Variants in ABCA1 observed in about 807,000 individuals in gnomAD.
ABCA1 encodes the protein phospholipid-transporting ATPase ABCA1.
A neutral mutation model predicts 262.5 loss-of-function variants in ABCA1; 133 were observed. The ratio of observed to expected loss-of-function variants is 0.51; its 90% confidence interval spans 0.44 to 0.59. The LOEUF is 0.59. Among genes scored for constraint, ABCA1 ranks in the 20% least tolerant of loss-of-function variants. ABCA1 has a pLI of 0.00. For synonymous variants in ABCA1, 1,022 were observed against 1,043.5 expected (o/e 0.98, Z 0.40); for missense variants, 2,452 against 2,777.5 (o/e 0.88, Z 2.63).
At chr9:104,862,898 A>G (rs1709337157) in intron 5 of ABCA1, among the ~76,000 whole-genome samples, 1 of 151,026 alleles carries the variant, frequency 6.6e-6, no homozygotes, top group Non-Finnish European at 1.5e-5. Flanking sequence ...ACATGGTCTC[A>G]TTTTCATTCC....
At chr9:104,904,507 A>G (rs1840941730) in intron 1 of ABCA1, among the ~76,000 whole-genome samples, 1 of 150,584 alleles carries the variant, frequency 6.6e-6, no homozygotes, top group Admixed American at 6.6e-5. Context: ...GCGGAGGTGC[A>G]GTGAGCCAAG....
chr9:104,832,123 G>A (rs1833394090), intron 12 of ABCA1, among the ~76,000 whole-genome samples: 1 of 152,158 alleles, frequency 6.6e-6, no homozygotes, highest in South Asian at 2.1e-4. Context: ...GCAATTCTGA[G>A]TCATAGCAAC....
intron 30 of ABCA1, among the ~76,000 whole-genome samples, chr9:104,807,756 T>C (rs990794613): frequency 6.6e-6 from 1 of 150,784 alleles, no homozygotes; most frequent in African/African-American, 2.4e-5. Flanking sequence ...GAGGTGGCAG[T>C]GAGCCAAGAT....
rs367717603 is a variant in ABCA1 at position 104,806,109 on chromosome 9, A to AAAAAAAC, written c.4464+125_4464+131dup. On this transcript the variant is annotated intron_variant, in intron 31 of 49. Coordinates refer to ENST00000374736, the MANE Select transcript of ABCA1 (RefSeq NM_005502.4). ...GACAGAGCAAGACTCCGCCTCAGAAAAAAAAACAAAAAACAAAAAAGACTG... is the reference window on the plus strand; with the variant it reads ...GACAGAGCAAGACTCCGCCTCAGAAAAAAAAACAAAAAACAAAAAACAAAAAAGACTG... 4,025 of 1,041,850 alleles carry AAAAAAAC rather than the reference A, an allele frequency of 3.9e-3. 103 individuals are homozygous for AAAAAAAC. The African/African-American group carries it at 0.057, about 15-fold the overall frequency. The allele number at this position is 1,041,850 out of a possible 1,614,324, so 64.5% of individuals were successfully genotyped here.
intron 1 of ABCA1, among the ~76,000 whole-genome samples, chr9:104,906,083 AG>A (rs1841114272): frequency 1.3e-5 from 2 of 152,230 alleles, no homozygotes; most frequent in Admixed American, 1.3e-4. Flanking sequence ...AAGCAATGTG[AG>A]TTCCCTTCTC....
At chr9:104,913,776 TTTTTA>T (rs146573885) in intron 1 of ABCA1, among the ~76,000 whole-genome samples, 14,926 of 152,000 alleles carry the variant, frequency 0.098, 880 homozygotes, top group Admixed American at 0.2. Flanking sequence ...TCCCTACAAG[TTTTTA>T]TTTTATTTTA....
Position 104,858,666 on chromosome 9 carries a change from T to C in ABCA1, c.576A>G (p.Thr192=). Residue 192 remains threonine (T), a synonymous_variant, in exon 7 of 50, where the codon ACA becomes ACG. Transcript: ENST00000374736. The stretch of plus-strand genomic sequence containing the variant: ...CTGATTTTGATCCATTGCACAGACT[T>C]GTCAAATGTAACTGGTAGCCTTGCA... ...VFLQGYQLHL[T]SLCNGSKSEE... 6.2e-7 allele frequency: 1 copy of C among 1,614,188 alleles called. No individual in the cohort carries two copies. The highest frequency in any genetic ancestry group is 8.5e-7 in the Non-Finnish European group (1 of 1,180,034).
In ABCA1 at chr9:104,928,027, G is replaced by A. The variant is rs1181098341; in HGVS notation, c.-185C>T. ...AAAACAGAACCGGGGAAAAAACAAG[G>A]AGCAAAGCGCCCTGAGAACCGGCTC... On this transcript the variant is annotated 5_prime_UTR_variant, in exon 1 of 50. Transcript: ENST00000374736. 1 of 152,200 alleles carries A rather than the reference G, an allele frequency of 6.6e-6. No individual in the cohort carries two copies. Among genetic ancestry groups the A allele is most frequent in the Non-Finnish European group, 1.5e-5 (1 of 68,056 alleles). The allele number at this position is 152,200 out of a possible 1,614,324, so 9.4% of individuals were successfully genotyped here. A position where few individuals can be genotyped will look rare whatever the true frequency, so the allele number is the denominator to read the frequency against.
chr9:104,923,733 T>C (rs1000569000), intron 1 of ABCA1, among the ~76,000 whole-genome samples: 3 of 152,240 alleles, frequency 2.0e-5, no homozygotes, highest in African/African-American at 4.8e-5. Context: ...AATGGTTTTG[T>C]TGTGAAAATT....
intron 5 of ABCA1, 97 bp downstream of exon 5, chr9:104,882,942 T>C: frequency 8.3e-7 from 1 of 1,205,796 alleles, no homozygotes; most frequent in Non-Finnish European, 1.2e-6. Flanking sequence ...TTGGGGAAGA[T>C]CTAATGGGAA....
At chr9:104,818,934 G>T in intron 22 of ABCA1, 51 bp from the exon 23 acceptor site, 2 of 1,507,266 alleles carry the variant, frequency 1.3e-6, no homozygotes, top group South Asian at 1.2e-5. Context: ...TCTCAGTTCT[G>T]ATTTGTCACA....
At chr9:104,867,938 A>G (rs969528637) in intron 5 of ABCA1, among the ~76,000 whole-genome samples, 8 of 152,224 alleles carry the variant, frequency 5.3e-5, no homozygotes, top group African/African-American at 1.9e-4. Flanking sequence ...CTTACCTGAC[A>G]CTGAAAGGAA....
At chr9:104,830,299 G>A (rs1833172987) in intron 14 of ABCA1, among the ~76,000 whole-genome samples, 1 of 152,212 alleles carries the variant, frequency 6.6e-6, no homozygotes, top group Non-Finnish European at 1.5e-5. Flanking sequence ...CGCTGTTTCT[G>A]CATCTATGTG....
intron 46 of ABCA1, 42 bp downstream of exon 46, chr9:104,787,878 C>T (rs1265700778): frequency 6.2e-7 from 1 of 1,613,814 alleles, no homozygotes; most frequent in Non-Finnish European, 8.5e-7. Flanking sequence ...ATGTTTTCCA[C>T]TCAGGCCAGA....
chr9:104,829,179 C>T, intron 14 of ABCA1, 41 bp from the exon 15 acceptor site: 1 of 1,606,796 alleles, frequency 6.2e-7, no homozygotes, highest in Non-Finnish European at 8.5e-7. Flanking sequence ...AAGAAAGACA[C>T]ACGTGAGCCA....
Position 104,903,590 on chromosome 9 carries a change from C to A in ABCA1, c.66+24G>T, listed in dbSNP as rs182545672. On this transcript the variant is annotated intron_variant, in intron 2 of 49. Coordinates refer to ENST00000374736, the MANE Select transcript of ABCA1 (RefSeq NM_005502.4). ...ACAAAGAAAAAATGAGAGAACCCCC[C>A]GCTGCTGAAAAACCCAAGCTTACTG... The A allele has an allele frequency of 1.6e-4, 258 of 1,569,808 alleles. 2 individuals carry two copies. In the Middle Eastern group the frequency reaches 2.2e-3, roughly 13 times the overall value.
chr9:104,796,096 T>C lies in ABCA1; in HGVS notation c.5339A>G (p.Asn1780Ser). ...LTSVNLFIGI[N>S]GSVATFVLEL... The stretch of plus-strand genomic sequence containing the variant: ...CAGCACAAAGGTGGCCACGCTGCCA[T>C]TAATGCCAATGAAGAGGTTCACGCT... Residue 1780 changes from asparagine to serine, a missense_variant, in exon 39 of 50, where the codon AAT becomes AGT. Physicochemically the swap from Asn to Ser is conservative, Grantham distance 46. Around this residue, in one of 4 missense-constraint regions of ABCA1, gnomAD observed 752 missense variants for 944.5 expected, o/e 0.80. Coordinates refer to ENST00000374736, the MANE Select transcript of ABCA1 (RefSeq NM_005502.4). 1 of 1,613,398 alleles carries C rather than the reference T, an allele frequency of 6.2e-7. No homozygotes were observed. The highest frequency in any genetic ancestry group is 1.3e-5 in the African/African-American group (1 of 75,032).
At position 104,782,154 on chromosome 9, in the gene ABCA1, A is replaced by G. The variant is rs1828583344; in HGVS notation, c.*2161T>C. 6.6e-6 allele frequency: 1 copy of G among 152,242 alleles called. No individual in the cohort carries two copies. The highest frequency in any genetic ancestry group is 1.5e-5 in the Non-Finnish European group (1 of 67,954). The allele number at this position is 152,242 out of a possible 1,614,324, so 9.4% of individuals were successfully genotyped here. A position where few individuals can be genotyped will look rare whatever the true frequency, so the allele number is the denominator to read the frequency against. ...GTAAAATGAGGAAACCATAACTTTGATTTTGAAAAATATTAAATGAGGAGA... is the reference window on the plus strand; with the variant it reads ...GTAAAATGAGGAAACCATAACTTTGGTTTTGAAAAATATTAAATGAGGAGA... On this transcript the variant is annotated 3_prime_UTR_variant, in exon 50 of 50. Coordinates refer to ENST00000374736, the MANE Select transcript of ABCA1 (RefSeq NM_005502.4).
chr9:104,901,263 G>A (rs1036274394), intron 2 of ABCA1, among the ~76,000 whole-genome samples: 5 of 152,134 alleles, frequency 3.3e-5, no homozygotes, highest in African/African-American at 9.7e-5. Context: ...AATGAGGCTC[G>A]GCCCTAGTCC....
Sources: allele counts gnomAD v4.1 joint callset (sites outside exome capture counted in the v4.1 genomes callset), GRCh38; gene constraint gnomAD v4.1.1; regional missense constraint gnomAD v4.1.1; transcripts MANE v1.5; gene names NCBI Gene and HGNC (gene_info 2026-07-23, HGNC 2026-07-21).